Variants in USP4 observed in about 807,000 individuals in gnomAD.
USP4 encodes ubiquitin specific peptidase 4.
USP4 carries 72 observed loss-of-function variants against 118.2 expected under a neutral mutation model. The observed-to-expected ratio is 0.61, with a 90% CI of 0.50 to 0.74. The LOEUF is 0.74. Among genes scored for constraint, USP4 ranks in the 30% least tolerant of loss-of-function variants. The probability of loss-of-function intolerance (pLI) is 0.00; values close to 1 mark genes in which losing one functional copy is unlikely to be tolerated. For synonymous variants in USP4, 415 were observed against 440.4 expected (o/e 0.94, Z 0.72); for missense variants, 1,037 against 1,185.7 (o/e 0.87, Z 1.84).
At position 49,277,172 on chromosome 3, in the gene USP4, G is replaced by A. The variant is rs375969404; in HGVS notation, c.*1121C>T. Reference sequence around the variant, plus strand: ...CCCCCTTTGGCGAGTCGGCAGCCACGTCCTTGTCCTCACCCGCAGCGCAGT... The same window carrying A: ...CCCCCTTTGGCGAGTCGGCAGCCACATCCTTGTCCTCACCCGCAGCGCAGT... On this transcript the variant is annotated 3_prime_UTR_variant, in exon 22 of 22. Transcript: ENST00000265560. 5 of 1,393,600 alleles carry A rather than the reference G, an allele frequency of 3.6e-6. No individual in the cohort carries two copies. The highest frequency in any genetic ancestry group is 3.8e-6 in the Non-Finnish European group (4 of 1,056,088). 86.3% of individuals were successfully genotyped at this position (1,393,600 alleles called of 1,614,324 possible).
intron 8 of USP4, among the ~76,000 whole-genome samples, chr3:49,309,203 C>A (rs1223857232): frequency 1.3e-5 from 2 of 151,980 alleles, no homozygotes; most frequent in African/African-American, 4.8e-5. Context: ...AGTATAATAA[C>A]TTTAAGTAAA....
chr3:49,311,377 G>T, intron 7 of USP4, 137 bp downstream of exon 7: 2 of 931,136 alleles, frequency 2.1e-6, no homozygotes, highest in Non-Finnish European at 3.2e-6. Flanking sequence ...ATGAAATGGA[G>T]TGAGAAACTA....
At chr3:49,308,447 G>A (rs2047344220) in intron 8 of USP4, among the ~76,000 whole-genome samples, 1 of 152,012 alleles carries the variant, frequency 6.6e-6, no homozygotes, top group East Asian at 1.9e-4. Context: ...AGCCTCCCAA[G>A]TAGCTGGGAT....
chr3:49,298,033 AG>A, intron 12 of USP4, 69 bp from the exon 13 acceptor site: 1 of 1,019,626 alleles, frequency 9.8e-7, no homozygotes. Flanking sequence ...CTTAAAACCC[AG>A]AAACAAATGA....
intron 6 of USP4, among the ~76,000 whole-genome samples, chr3:49,321,176 A>G (rs1327341610): frequency 6.6e-6 from 1 of 152,166 alleles, no homozygotes; most frequent in South Asian, 2.1e-4. Flanking sequence ...TAATTTGCAG[A>G]TTTTTCTTAC....
rs1202017121 is a variant in USP4 at position 49,335,350 on chromosome 3, G to A, written c.229+119C>T. 1.0e-5 allele frequency: 14 copies of A among 1,379,880 alleles called. No homozygotes were observed. The East Asian group carries it at 3.4e-4, about 33-fold the overall frequency. The allele number at this position is 1,379,880 out of a possible 1,614,324, so 85.5% of individuals were successfully genotyped here. ...GACTTCTGCTATAGATGCAAAATGA[G>A]GATACTTGTTTCTATCTCCTCACAC... On this transcript the variant is annotated intron_variant, in intron 2 of 21. Coordinates refer to ENST00000265560, the MANE Select transcript of USP4 (RefSeq NM_003363.4).
intron 6 of USP4, among the ~76,000 whole-genome samples, chr3:49,321,346 A>G (rs1318863632): frequency 6.6e-6 from 1 of 152,154 alleles, no homozygotes; most frequent in East Asian, 1.9e-4. Context: ...CATCCTCAAG[A>G]ATAGTAGTTC....
rs964266425 is a variant in USP4 at position 49,280,250 on chromosome 3, T to C, written c.2644+494A>G. ...CTGCTTTCCAGCCTGGGTGACAGAG[T>C]GAGAATCTGTCTCAAAAAAAGAGCA... On this transcript the variant is annotated intron_variant, in intron 20 of 21. Coordinates refer to ENST00000265560, the MANE Select transcript of USP4 (RefSeq NM_003363.4). Among the ~76,000 whole-genome samples the C allele has an allele frequency of 2.0e-5, 3 of 146,864 alleles. No homozygotes were observed. In the Admixed American group the frequency reaches 2.0e-4, roughly 10 times the overall value.
chr3:49,292,491 G>T lies in USP4; in HGVS notation c.1972+19C>A. The T allele has an allele frequency of 1.3e-6, 2 of 1,508,492 alleles. No homozygotes were observed. Among genetic ancestry groups the T allele is most frequent in the Non-Finnish European group, 1.8e-6 (2 of 1,117,820 alleles). 93.4% of individuals were successfully genotyped at this position (1,508,492 alleles called of 1,614,324 possible). ...AGGTATTTGGTCAGTCACAGCCACA[G>T]AGCATGGTGCATACTCACCTTCACA... is the stretch of plus-strand genomic sequence containing the variant. On this transcript the variant is annotated intron_variant, in intron 15 of 21. Coordinates refer to ENST00000265560, the MANE Select transcript of USP4 (RefSeq NM_003363.4).
At chr3:49,318,754 C>G (rs1214159185) in intron 6 of USP4, 1 of 339,164 alleles carries the variant, frequency 2.9e-6, no homozygotes, top group Non-Finnish European at 4.2e-6. Flanking sequence ...ACTAAAAATA[C>G]AAAAAATTAG....
At chr3:49,338,044 C>CAAA (rs57186354) in intron 1 of USP4, among the ~76,000 whole-genome samples, 14 of 52,082 alleles carry the variant, frequency 2.7e-4, no homozygotes, top group South Asian at 1.1e-3. Context: ...GACTTCGTCT[C>CAAA]AAAAAAAAAA....
intron 6 of USP4, among the ~76,000 whole-genome samples, chr3:49,315,320 T>C (rs938771942): frequency 2.6e-5 from 4 of 152,080 alleles, no homozygotes; most frequent in Admixed American, 6.6e-5. Context: ...TGCATTCCAG[T>C]CTGGGCAACA....
rs1351797940 is a variant in USP4 at position 49,283,905 on chromosome 3, G to A, written c.2540+82C>T. 1.0e-5 allele frequency: 16 copies of A among 1,561,334 alleles called. No individual in the cohort carries two copies. The East Asian group carries it at 3.4e-4, about 33-fold the overall frequency. On this transcript the variant is annotated intron_variant, in intron 19 of 21. Coordinates refer to ENST00000265560, the MANE Select transcript of USP4 (RefSeq NM_003363.4). ...ACATCCTTACTCAGAAAAGTTTTTG[G>A]TGGCAAACCACTCAGCCAATCAGTG...
At chr3:49,321,706 T>G (rs1412468697) in intron 6 of USP4, among the ~76,000 whole-genome samples, 1 of 152,140 alleles carries the variant, frequency 6.6e-6, no homozygotes, top group South Asian at 2.1e-4. Context: ...ATTATTGATT[T>G]TTTTTGGCCG....
chr3:49,321,971 G>T (rs1203527300), intron 6 of USP4, among the ~76,000 whole-genome samples: 1 of 151,940 alleles, frequency 6.6e-6, no homozygotes, highest in African/African-American at 2.4e-5. Flanking sequence ...TCCAGCCTGG[G>T]CTACAGATCA....
In USP4 at chr3:49,297,936, C is replaced by A. The variant is rs377662896; in HGVS notation, c.1625G>T (p.Arg542Leu). ...NMVVADVYNH[R>L]FHKIFQMDEG... ...ATCCATTTGGAAAATTTTGTGGAAT[C>A]GGTGATTATACACATCTGCGACCAC... Residue 542 changes from arginine to leucine, a missense_variant, in exon 13 of 22, where the codon CGA becomes CTA. Physicochemically the swap from Arg to Leu is moderately radical, Grantham distance 102. Transcript: ENST00000265560. 6.2e-7 allele frequency: 1 copy of A among 1,613,900 alleles called. No homozygotes were observed. Among genetic ancestry groups the A allele is most frequent in the Admixed American group, 1.7e-5 (1 of 59,988 alleles).
Position 49,311,591 on chromosome 3 carries a change from G to A in USP4, c.759C>T (p.Ser253=), listed in dbSNP as rs755595761. ...TTGCAATGAGAGAGGCAGACACTGA[G>A]GAATAGGGACTTGCTGATGATTTTG... is the stretch of plus-strand genomic sequence containing the variant. ...TSPKSSASPY[S]SVSASLIANG... is the part of the protein sequence containing the mutation. Residue 253 remains serine (S), a synonymous_variant, in exon 7 of 22, where the codon TCC becomes TCT. Transcript: ENST00000265560. 20 of 1,613,826 alleles carry A rather than the reference G, an allele frequency of 1.2e-5. No individual in the cohort carries two copies. In the East Asian group the frequency reaches 4.5e-4, roughly 36 times the overall value.
chr3:49,290,241 C>A (rs1350475416), intron 15 of USP4, among the ~76,000 whole-genome samples: 5 of 152,054 alleles, frequency 3.3e-5, no homozygotes, highest in African/African-American at 1.2e-4. Flanking sequence ...ATGGAGACAC[C>A]CCGTCTCTAC....
chr3:49,325,580 G>A (rs1031857648), intron 4 of USP4, 139 bp downstream of exon 4: 4 of 1,293,074 alleles, frequency 3.1e-6, no homozygotes, highest in African/African-American at 2.9e-5. Context: ...CCCCAGGTCA[G>A]GACTGGCAAC....
Sources: allele counts gnomAD v4.1 joint callset (sites outside exome capture counted in the v4.1 genomes callset), GRCh38; gene constraint gnomAD v4.1.1; transcripts MANE v1.5; gene names NCBI Gene and HGNC (gene_info 2026-07-23, HGNC 2026-07-21).